Variants in SPTLC3 observed in about 807,000 individuals in gnomAD.
SPTLC3 encodes serine palmitoyltransferase long chain base subunit 3, also known as serine palmitoyltransferase 3.
Under a neutral mutation model 59.3 loss-of-function variants are expected in SPTLC3, and 36 were observed. That is an observed-to-expected ratio of 0.61 (90% CI 0.47 to 0.80). SPTLC3 has a LOEUF of 0.80. Ranked by LOEUF, SPTLC3 falls within the 30% of genes least tolerant of loss-of-function variation. The pLI, the probability that SPTLC3 is intolerant of heterozygous loss-of-function variation, is 0.00. For missense variants in SPTLC3, 625 were observed against 685.1 expected (o/e 0.91, Z 0.98); for synonymous variants, 257 against 240.8 (o/e 1.07, Z -0.62).
chr20:13,113,798 T>C (rs1020525194), intron 7 of SPTLC3, among the ~76,000 whole-genome samples: 4 of 152,134 alleles, frequency 2.6e-5, no homozygotes, highest in East Asian at 1.9e-4. Context: ...GTCTAAGAAG[T>C]TGCAACTCAG....
intron 8 of SPTLC3, among the ~76,000 whole-genome samples, chr20:13,120,180 T>C (rs934034558): frequency 3.3e-5 from 5 of 152,310 alleles, no homozygotes; most frequent in Non-Finnish European, 5.9e-5. Flanking sequence ...GTTTAAATAA[T>C]TAAGAGTAGA....
chr20:13,051,272 A>G (rs1028378990), intron 2 of SPTLC3, among the ~76,000 whole-genome samples: 2 of 152,238 alleles, frequency 1.3e-5, no homozygotes, highest in African/African-American at 4.8e-5. Context: ...AATAGACACC[A>G]AAAGATAGCA....
At chr20:13,050,470 C>T (rs1167003179) in intron 2 of SPTLC3, 2 of 152,100 alleles carry the variant, frequency 1.3e-5, no homozygotes, top group East Asian at 3.9e-4. Flanking sequence ...AATCAATGTT[C>T]CTGAGGAAGA....
At chr20:13,151,627 A>T (rs1358767058) in intron 9 of SPTLC3, among the ~76,000 whole-genome samples, 1 of 152,218 alleles carries the variant, frequency 6.6e-6, no homozygotes, top group African/African-American at 2.4e-5. Context: ...CACTCAACTA[A>T]ATCTCCATTT....
intron 7 of SPTLC3, among the ~76,000 whole-genome samples, chr20:13,111,114 A>C (rs1013729985): frequency 1.3e-5 from 2 of 152,044 alleles, no homozygotes; most frequent in African/African-American, 4.8e-5. Context: ...TAATAATAAG[A>C]AGCTTGGTTT....
intron 1 of SPTLC3, among the ~76,000 whole-genome samples, chr20:13,026,428 G>A (rs1178890454): frequency 3.9e-5 from 6 of 152,064 alleles, no homozygotes; most frequent in African/African-American, 1.4e-4. Flanking sequence ...GTACTGACTG[G>A]TGTGAGATGG....
intron 9 of SPTLC3, among the ~76,000 whole-genome samples, chr20:13,128,891 T>C (rs1235201183): frequency 2.2e-5 from 3 of 134,678 alleles, no homozygotes; most frequent in Non-Finnish European, 5.0e-5. Context: ...TTTTTTTTTT[T>C]TGGAGACAGA....
Position 13,101,341 on chromosome 20 carries a change from A to G in SPTLC3, c.826+7764A>G, listed in dbSNP as rs1385325030. Among the ~76,000 whole-genome samples, 5 of 152,270 alleles carry G rather than the reference A, an allele frequency of 3.3e-5. No homozygotes were observed. In the East Asian group the frequency reaches 9.6e-4, roughly 29 times the overall value. ...TCTTAACCACTAGCTGAGTCCAGCT[A>G]TTTGCTGCCAGGCCATATGTAGGAG... On this transcript the variant is annotated intron_variant, in intron 6 of 11. Coordinates refer to ENST00000399002, the MANE Select transcript of SPTLC3 (RefSeq NM_018327.4).
chr20:13,044,323 A>T (rs1987134718), intron 1 of SPTLC3, among the ~76,000 whole-genome samples: 1 of 151,980 alleles, frequency 6.6e-6, no homozygotes, highest in Admixed American at 6.6e-5. Flanking sequence ...GCTGGTCTTG[A>T]ACTCCTGACC....
At chr20:13,071,060 T>G (rs981794037) in intron 2 of SPTLC3, among the ~76,000 whole-genome samples, 2 of 152,180 alleles carry the variant, frequency 1.3e-5, no homozygotes, top group African/African-American at 2.4e-5. Context: ...ATGTCCAAAG[T>G]GCTTGGCTTA....
At position 13,114,937 on chromosome 20, in the gene SPTLC3, T is replaced by C. The variant is rs1264918259; in HGVS notation, c.933-2569T>C. Among the ~76,000 whole-genome samples the C allele has an allele frequency of 2.0e-5, 3 of 152,192 alleles. No individual in the cohort carries two copies. In the East Asian group the frequency reaches 5.8e-4, roughly 29 times the overall value. ...AAGACATTATGTAATAGAAAAGATA[T>C]AAAGGAATTATTCACTGGCTTGCTG... On this transcript the variant is annotated intron_variant, in intron 7 of 11. Transcript: ENST00000399002.
At chr20:13,150,903 T>C (rs2038626825) in intron 9 of SPTLC3, among the ~76,000 whole-genome samples, 1 of 152,216 alleles carries the variant, frequency 6.6e-6, no homozygotes, top group Non-Finnish European at 1.5e-5. Flanking sequence ...TCATTCATCA[T>C]TTATTGATTT....
At chr20:13,138,288 C>A (rs1002660043) in intron 9 of SPTLC3, among the ~76,000 whole-genome samples, 6 of 152,170 alleles carry the variant, frequency 3.9e-5, no homozygotes, top group Non-Finnish European at 7.3e-5. Flanking sequence ...GCCACATCTC[C>A]TCAACTATTC....
intron 6 of SPTLC3, among the ~76,000 whole-genome samples, chr20:13,101,135 G>A (rs948904960): frequency 1.3e-5 from 2 of 152,202 alleles, no homozygotes; most frequent in Non-Finnish European, 2.9e-5. Context: ...CTACCTGTGG[G>A]CTGAGGGAGC....
chr20:13,025,978 A>G (rs1986122061), intron 1 of SPTLC3, among the ~76,000 whole-genome samples: 1 of 151,984 alleles, frequency 6.6e-6, no homozygotes, highest in Non-Finnish European at 1.5e-5. Flanking sequence ...AACATATGGT[A>G]TTTGGTTTTC....
intron 1 of SPTLC3, among the ~76,000 whole-genome samples, chr20:13,048,331 C>T (rs918097949): frequency 2.6e-5 from 4 of 152,172 alleles, no homozygotes; most frequent in Admixed American, 2.0e-4. Flanking sequence ...ACTTGTTTCC[C>T]TTAAGTCCTC....
intron 11 of SPTLC3, chr20:13,164,383 A>C (rs777929032): frequency 1.1e-5 from 5 of 474,370 alleles, no homozygotes; most frequent in South Asian, 7.7e-5. Context: ...TGAAGATATA[A>C]CTTCAAATGC....
chr20:13,048,745 G>A (rs1234626137), intron 1 of SPTLC3, among the ~76,000 whole-genome samples, 200 bp from the exon 2 acceptor site: 1 of 152,122 alleles, frequency 6.6e-6, no homozygotes, highest in Non-Finnish European at 1.5e-5. Context: ...GAGAACTTTT[G>A]CTTGAATCAA....
At position 13,035,874 on chromosome 20, in the gene SPTLC3, T is replaced by C. The variant is rs6109663; in HGVS notation, c.118-13071T>C. The stretch of plus-strand genomic sequence containing the variant: ...AAATCTCCAGACAATTTAGAGAAAT[T>C]AATTCACCCTAATTAAGTAAGGCAA... On this transcript the variant is annotated intron_variant, in intron 1 of 11. Coordinates refer to ENST00000399002, the MANE Select transcript of SPTLC3 (RefSeq NM_018327.4). Among the ~76,000 whole-genome samples, 903 of 152,278 alleles carry C rather than the reference T, an allele frequency of 5.9e-3. 11 individuals are homozygous for C. Among genetic ancestry groups the C allele is most frequent in the African/African-American group, 0.021 (864 of 41,560 alleles).
Sources: allele counts gnomAD v4.1 joint callset (sites outside exome capture counted in the v4.1 genomes callset), GRCh38; gene constraint gnomAD v4.1.1; transcripts MANE v1.5; gene names NCBI Gene and HGNC (gene_info 2026-07-23, HGNC 2026-07-21).